ATP9B: variants seen among roughly 807,000 people sequenced by gnomAD.
ATP9B encodes the protein ATPase phospholipid transporting 9B.
A neutral mutation model predicts 146.1 loss-of-function variants in ATP9B; 110 were observed. That is an observed-to-expected ratio of 0.75 (90% CI 0.65 to 0.88). The LOEUF (loss-of-function observed/expected upper bound fraction) is 0.88, where lower values mean the gene tolerates loss of function less well. Ranked by LOEUF, ATP9B falls within the 40% of genes least tolerant of loss-of-function variation. The pLI is 0.00. For synonymous variants in ATP9B, 604 were observed against 569.7 expected (o/e 1.06, Z -0.86); for missense variants, 1,499 against 1,496.4 (o/e 1.00, Z -0.03).
At chr18:79,238,037 A>G (rs1259323693) in intron 11 of ATP9B, among the ~76,000 whole-genome samples, 1 of 152,094 alleles carries the variant, frequency 6.6e-6, no homozygotes, top group African/African-American at 2.4e-5. Flanking sequence ...AGAAAATTTT[A>G]TATTCTGTTT....
chr18:79,157,301 C>T (rs2094801246), intron 7 of ATP9B, among the ~76,000 whole-genome samples: 1 of 141,336 alleles, frequency 7.1e-6, no homozygotes, highest in African/African-American at 2.7e-5. Context: ...GACACTGAGG[C>T]AGGAGAATCA....
intron 12 of ATP9B, among the ~76,000 whole-genome samples, chr18:79,257,450 A>T (rs2096093689): frequency 6.6e-6 from 1 of 152,240 alleles, no homozygotes; most frequent in East Asian, 1.9e-4. Context: ...GATAGGCATA[A>T]GCATTTAAAC....
intron 8 of ATP9B, among the ~76,000 whole-genome samples, chr18:79,186,318 A>C (rs1887827045): frequency 6.6e-6 from 1 of 152,214 alleles, no homozygotes; most frequent in Non-Finnish European, 1.5e-5. Flanking sequence ...ACCTCACAGC[A>C]GAGGCTTTCC....
chr18:79,120,466 G>A (rs2094169473), intron 4 of ATP9B, among the ~76,000 whole-genome samples: 1 of 151,922 alleles, frequency 6.6e-6, no homozygotes, highest in Non-Finnish European at 1.5e-5. Flanking sequence ...AGTTGCTTTT[G>A]GTAATATTAT....
intron 26 of ATP9B, chr18:79,361,608 T>G (rs561561345): frequency 4.8e-6 from 1 of 209,412 alleles, no homozygotes; most frequent in African/African-American, 2.4e-5. Context: ...AACTTTTTTT[T>G]AAATCTACTA....
chr18:79,293,145 A>G (rs535163643), intron 13 of ATP9B, among the ~76,000 whole-genome samples: 76 of 151,354 alleles, frequency 5.0e-4, no homozygotes, highest in African/African-American at 1.6e-3. Flanking sequence ...TAGATATCCC[A>G]TGCAAAAAAT....
intron 10 of ATP9B, among the ~76,000 whole-genome samples, chr18:79,210,868 T>A (rs1443167048): frequency 6.6e-6 from 1 of 152,222 alleles, no homozygotes; most frequent in African/African-American, 2.4e-5. Flanking sequence ...TGTTAATACC[T>A]CTGTCTCTCA....
At position 79,240,920 on chromosome 18, in the gene ATP9B, T is replaced by C. The variant is rs145263547; in HGVS notation, c.1108-12461T>C. ...GAGCTGCTCGGTCTCCAAGCTGCCA[T>C]GAGCTGTGTGTTCTTGACCAAACAC... On this transcript the variant is annotated intron_variant, in intron 11 of 29. Coordinates refer to ENST00000426216, the MANE Select transcript of ATP9B (RefSeq NM_198531.5). 2.1e-4 allele frequency among the ~76,000 whole-genome samples: 32 copies of C among 152,286 alleles called. No homozygotes were observed. In the East Asian group the frequency reaches 3.5e-3, roughly 17 times the overall value.
chr18:79,331,543 ATTG>A (rs2096790028), intron 17 of ATP9B, among the ~76,000 whole-genome samples: 1 of 152,150 alleles, frequency 6.6e-6, no homozygotes, highest in South Asian at 2.1e-4. Context: ...CCTTGGATAA[ATTG>A]TTGTCCCTTC....
At chr18:79,216,940 C>T (rs1286949302) in intron 11 of ATP9B, among the ~76,000 whole-genome samples, 2 of 152,206 alleles carry the variant, frequency 1.3e-5, no homozygotes, top group Non-Finnish European at 2.9e-5. Context: ...TAGGGATTCA[C>T]GATAGCGGTT....
At chr18:79,356,671 T>G (rs1460847005) in intron 25 of ATP9B, among the ~76,000 whole-genome samples, 1 of 147,838 alleles carries the variant, frequency 6.8e-6, no homozygotes, top group African/African-American at 2.5e-5. Flanking sequence ...GCATTCCATT[T>G]GCATAGCATT....
chr18:79,302,937 T>A (rs1438704091), intron 13 of ATP9B, among the ~76,000 whole-genome samples: 1 of 152,320 alleles, frequency 6.6e-6, no homozygotes, highest in Admixed American at 6.5e-5. Context: ...TATATTGTAA[T>A]TATAAAGGTG....
chr18:79,288,743 C>T (rs986271627), intron 13 of ATP9B, among the ~76,000 whole-genome samples: 10 of 152,134 alleles, frequency 6.6e-5, no homozygotes, highest in East Asian at 3.8e-4. Context: ...GATTTTGCAG[C>T]GGCTGGTACC....
At chr18:79,284,229 A>G (rs2096410204) in intron 13 of ATP9B, among the ~76,000 whole-genome samples, 1 of 152,234 alleles carries the variant, frequency 6.6e-6, no homozygotes, top group South Asian at 2.1e-4. Flanking sequence ...TTTTAAACCA[A>G]GTCTCTTATG....
intron 11 of ATP9B, among the ~76,000 whole-genome samples, chr18:79,247,812 TAAC>T (rs1156939956): frequency 6.6e-6 from 1 of 152,234 alleles, no homozygotes; most frequent in Non-Finnish European, 1.5e-5. Context: ...TTTTATATAA[TAAC>T]TATATAGCAA....
At chr18:79,177,000 A>C (rs2095181706) in intron 8 of ATP9B, 93 bp downstream of exon 8, 1 of 1,011,994 alleles carries the variant, frequency 9.9e-7, no homozygotes, top group Non-Finnish European at 1.4e-6. Flanking sequence ...AATTTATTTA[A>C]TGCATTGAGA....
At chr18:79,153,026 G>C (rs1031190650) in intron 6 of ATP9B, among the ~76,000 whole-genome samples, 1 of 152,036 alleles carries the variant, frequency 6.6e-6, no homozygotes, top group South Asian at 2.1e-4. Flanking sequence ...TAGAGGTCTT[G>C]CACATCTTTT....
At chr18:79,272,726 G>T (rs960270304) in intron 12 of ATP9B, among the ~76,000 whole-genome samples, 9 of 152,192 alleles carry the variant, frequency 5.9e-5, no homozygotes, top group Non-Finnish European at 7.3e-5. Flanking sequence ...CTTCAGATCA[G>T]TGATCATTTC....
At chr18:79,073,521 G>A (rs1487975877) in intron 1 of ATP9B, among the ~76,000 whole-genome samples, 1 of 152,194 alleles carries the variant, frequency 6.6e-6, no homozygotes, top group Admixed American at 6.5e-5. Context: ...CCAGGCACTC[G>A]GCAGGCTGAG....
Sources: allele counts gnomAD v4.1 joint callset (sites outside exome capture counted in the v4.1 genomes callset), GRCh38; gene constraint gnomAD v4.1.1; transcripts MANE v1.5; gene names NCBI Gene and HGNC (gene_info 2026-07-23, HGNC 2026-07-21).